ADAM7: variants seen among roughly 807,000 people sequenced by gnomAD.
ADAM7 encodes the protein ADAM metallopeptidase domain 7.
A neutral mutation model predicts 102.9 loss-of-function variants in ADAM7; 97 were observed. The ratio of observed to expected loss-of-function variants is 0.94; its 90% CI spans 0.80 to 1.12. ADAM7 has a LOEUF of 1.12. Among genes scored for constraint, ADAM7 ranks in the 50% most tolerant of loss-of-function variants. ADAM7 has a pLI of 0.00. For missense variants in ADAM7, 991 were observed against 908.7 expected (o/e 1.09, Z -1.16); for synonymous variants, 334 against 304.4 (o/e 1.10, Z -1.01).
At chr8:24,457,909 A>C (rs1819100094) in intron 3 of ADAM7, among the ~76,000 whole-genome samples, 1 of 149,916 alleles carries the variant, frequency 6.7e-6, no homozygotes. Flanking sequence ...TGGAGAAGTC[A>C]ATATTCTTGT....
chr8:24,501,432 A>G, intron 19 of ADAM7, 45 bp from the exon 20 acceptor site: 1 of 1,373,466 alleles, frequency 7.3e-7, no homozygotes, highest in Middle Eastern at 1.8e-4. Flanking sequence ...TAACCTGAAT[A>G]GCCCTATATC....
chr8:24,463,987 C>T, intron 4 of ADAM7, 27 bp downstream of exon 4: 3 of 1,582,152 alleles, frequency 1.9e-6, no homozygotes, highest in Non-Finnish European at 2.6e-6. Context: ...TACTGTGTCT[C>T]TTCTCTAAAA....
intron 3 of ADAM7, among the ~76,000 whole-genome samples, chr8:24,454,063 G>T (rs573015045): frequency 2.6e-5 from 4 of 152,192 alleles, no homozygotes; most frequent in Non-Finnish European, 4.4e-5. Context: ...TGCCCCTACT[G>T]GGGGGTGCCT....
Position 24,446,829 on chromosome 8 carries a change from TATATA to T in ADAM7, c.157-352_157-348del, listed in dbSNP as rs1481318060. 2.0e-5 allele frequency among the ~76,000 whole-genome samples: 3 copies of T among 149,862 alleles called. No homozygotes were observed. The East Asian group carries it at 5.8e-4, about 29-fold the overall frequency. On this transcript the variant is annotated intron_variant, in intron 2 of 21. Coordinates refer to ENST00000175238, the MANE Select transcript of ADAM7 (RefSeq NM_003817.4). ...CATTTAATTGTATAACTAGAAACTA[TATATA>T]ATATGCTATATTATATTATATTAAA...
chr8:24,480,872 C>T (rs1819926017), intron 8 of ADAM7, among the ~76,000 whole-genome samples: 1 of 151,554 alleles, frequency 6.6e-6, no homozygotes, highest in South Asian at 2.1e-4. Context: ...AGACATCGTC[C>T]CAACAACAAC....
At chr8:24,503,208 C>G (rs73223170) in intron 20 of ADAM7, among the ~76,000 whole-genome samples, 15,674 of 152,004 alleles carry the variant, frequency 0.1, 1,097 homozygotes, top group Non-Finnish European at 0.16. Context: ...ATTCAGTAAA[C>G]TAGGAATGTA....
intron 8 of ADAM7, among the ~76,000 whole-genome samples, chr8:24,479,069 T>C (rs1226119339): frequency 6.6e-6 from 1 of 152,110 alleles, no homozygotes; most frequent in Non-Finnish European, 1.5e-5. Flanking sequence ...GACTTTAGGC[T>C]TTTATTGAGA....
chr8:24,474,018 T>G (rs979811989), intron 7 of ADAM7, among the ~76,000 whole-genome samples: 9 of 152,128 alleles, frequency 5.9e-5, no homozygotes, highest in African/African-American at 2.2e-4. Flanking sequence ...AACATTAAAC[T>G]TATTAATAAA....
chr8:24,463,748 T>A, intron 3 of ADAM7, 134 bp from the exon 4 acceptor site: 1 of 657,116 alleles, frequency 1.5e-6, no homozygotes. Context: ...TTGATTTTGC[T>A]TTACTATTTC....
intron 10 of ADAM7, among the ~76,000 whole-genome samples, chr8:24,486,039 G>C (rs1241093249): frequency 1.3e-5 from 2 of 152,110 alleles, no homozygotes; most frequent in Admixed American, 6.5e-5. Flanking sequence ...TGTGTGTATA[G>C]CTTTTCCTAT....
At chr8:24,476,250 TTTAG>T (rs1196116432) in intron 7 of ADAM7, among the ~76,000 whole-genome samples, 179 bp from the exon 8 acceptor site, 6 of 152,170 alleles carry the variant, frequency 3.9e-5, no homozygotes, top group Admixed American at 2.6e-4. Context: ...GAGGGCTGTA[TTTAG>T]TTATTTTATA....
At chr8:24,485,512 T>C (rs1820111982) in intron 10 of ADAM7, 151 bp downstream of exon 10, 1 of 620,546 alleles carries the variant, frequency 1.6e-6, no homozygotes, top group Non-Finnish European at 2.6e-6. Flanking sequence ...CTTTATTAAA[T>C]GAATAAAAAT....
intron 1 of ADAM7, among the ~76,000 whole-genome samples, chr8:24,441,437 T>G (rs1818370279): frequency 6.6e-6 from 1 of 152,212 alleles, no homozygotes; most frequent in South Asian, 2.1e-4. Flanking sequence ...CTGCTTTGTA[T>G]GTTAAAGTGT....
intron 12 of ADAM7, 99 bp downstream of exon 12, chr8:24,489,432 T>C (rs1250530876): frequency 2.5e-6 from 3 of 1,177,648 alleles, no homozygotes; most frequent in Admixed American, 6.6e-5. Flanking sequence ...TGGTGTTCCT[T>C]GTAAAACTTT....
At chr8:24,501,718 G>A (rs1481114234) in intron 20 of ADAM7, 142 bp downstream of exon 20, 2 of 550,958 alleles carry the variant, frequency 3.6e-6, no homozygotes, top group South Asian at 3.1e-5. Context: ...CACACATGAA[G>A]CTTTGAATCT....
chr8:24,453,302 T>C (rs1377020815), intron 3 of ADAM7, among the ~76,000 whole-genome samples: 2 of 152,196 alleles, frequency 1.3e-5, no homozygotes, highest in Non-Finnish European at 2.9e-5. Flanking sequence ...CAGACGTAGA[T>C]TTGGTCTTTT....
At chr8:24,454,035 C>T (rs1277446072) in intron 3 of ADAM7, among the ~76,000 whole-genome samples, 2 of 152,200 alleles carry the variant, frequency 1.3e-5, no homozygotes, top group Non-Finnish European at 2.9e-5. Context: ...GAGTACCCGG[C>T]TGTGTGAGAT....
chr8:24,477,429 T>C (rs137898662), intron 8 of ADAM7, among the ~76,000 whole-genome samples: 17 of 152,302 alleles, frequency 1.1e-4, no homozygotes, highest in African/African-American at 4.1e-4. Flanking sequence ...TTTATTTATA[T>C]CAGTATGGAC....
chr8:24,469,229 G>T (rs897717935), intron 7 of ADAM7, among the ~76,000 whole-genome samples: 11 of 152,124 alleles, frequency 7.2e-5, no homozygotes, highest in Non-Finnish European at 1.3e-4. Context: ...TAATGTAATT[G>T]AATGTAAACC....
Sources: allele counts gnomAD v4.1 joint callset (sites outside exome capture counted in the v4.1 genomes callset), GRCh38; gene constraint gnomAD v4.1.1; transcripts MANE v1.5; gene names NCBI Gene and HGNC (gene_info 2026-07-23, HGNC 2026-07-21).